CLIC5: variants seen among roughly 807,000 people sequenced by gnomAD.
CLIC5 encodes chloride intracellular channel protein 5.
A neutral mutation model predicts 24.7 loss-of-function variants in CLIC5; 20 were observed. The observed-to-expected ratio is 0.81, with a 90% CI of 0.57 to 1.18. The LOEUF is 1.18. CLIC5 is among the 50% of genes most tolerant of loss of function. CLIC5 has a pLI of 0.00. For synonymous variants in CLIC5, 159 were observed against 135.6 expected (o/e 1.17, Z -1.20); for missense variants, 341 against 326.1 (o/e 1.05, Z -0.35).
In CLIC5 at chr6:45,902,895, C is replaced by G. The variant is rs1237366313; in HGVS notation, c.*193G>C. The G allele has an allele frequency of 1.5e-5, 9 of 604,396 alleles. No homozygotes were observed. Among genetic ancestry groups the G allele is most frequent in the Non-Finnish European group, 2.6e-5 (9 of 347,794 alleles). The allele number at this position is 604,396 out of a possible 1,614,324, so 37.4% of individuals were successfully genotyped here. ...TGTGTCTATCATTTCTGCTAGATTC[C>G]TATGTGAGGAGGCCAGGGATGGTGC... On this transcript the variant is annotated 3_prime_UTR_variant, in exon 6 of 6. Transcript: ENST00000339561.
chr6:45,968,939 C>A (rs140914538), intron 1 of CLIC5, among the ~76,000 whole-genome samples: 1 of 152,078 alleles, frequency 6.6e-6, no homozygotes, highest in Non-Finnish European at 1.5e-5. Context: ...AGTTGTGTGA[C>A]CTAGGGCAAG....
At chr6:46,101,123 T>G in the CLIC5 span, among the ~76,000 whole-genome samples, 1 of 152,210 alleles carries the variant, frequency 6.6e-6, no homozygotes, top group East Asian at 1.9e-4. Flanking sequence ...GCCAACCCAC[T>G]AAGTCAACAA....
chr6:45,968,425 G>A (rs1346273111), intron 1 of CLIC5, among the ~76,000 whole-genome samples: 2 of 152,088 alleles, frequency 1.3e-5, no homozygotes. Flanking sequence ...TGGGAAAGAA[G>A]GAAGAAGGGC....
In CLIC5 at chr6:45,941,590, C is replaced by CATGATGTAGGCATCGACATCCTTGTCG. The variant is rs1764132588; in HGVS notation, c.362_363insCGACAAGGATGTCGATGCCTACATCAT (p.Lys121delinsAsnAspLysAspValAspAlaTyrIleMet). The CATGATGTAGGCATCGACATCCTTGTCG allele has an allele frequency of 6.2e-7, 1 of 1,613,816 alleles. No homozygotes were observed. The highest frequency in any genetic ancestry group is 1.3e-5 in the African/African-American group (1 of 74,896). Reference sequence around the variant, plus strand: ...TGGTATTTTTGATGTAGGCAGAAAACTTGGAAAAGATGTCGATGCCCGCTG... The same window carrying CATGATGTAGGCATCGACATCCTTGTCG: ...TGGTATTTTTGATGTAGGCAGAAAACATGATGTAGGCATCGACATCCTTGTCGTTGGAAAAGATGTCGATGCCCGCTG... On this transcript the variant is annotated protein_altering_variant, in exon 4 of 6. Transcript: ENST00000339561.
At chr6:45,887,310 G>A (rs1311992924) in intron 6 of CLIC5, among the ~76,000 whole-genome samples, 1 of 152,122 alleles carries the variant, frequency 6.6e-6, no homozygotes, top group Non-Finnish European at 1.5e-5. Context: ...GTGCCTCTAG[G>A]GGAGAATCCT....
intron 1 of CLIC5, among the ~76,000 whole-genome samples, chr6:45,987,931 C>T (rs1765798987): frequency 6.6e-6 from 1 of 152,222 alleles, no homozygotes; most frequent in Non-Finnish European, 1.5e-5. Flanking sequence ...CATTCTGTCC[C>T]TGGCCCCCCA....
upstream of CLIC5, among the ~76,000 whole-genome samples, chr6:46,020,037 A>G (rs1767132801): frequency 6.6e-6 from 1 of 152,092 alleles, no homozygotes; most frequent in Non-Finnish European, 1.5e-5. Flanking sequence ...CCATAAGAAT[A>G]TAGAATATAG....
intron 1 of CLIC5, among the ~76,000 whole-genome samples, chr6:46,037,968 G>A (rs965006174): frequency 6.6e-6 from 1 of 152,152 alleles, no homozygotes; most frequent in Non-Finnish European, 1.5e-5. Context: ...AAGCCTCAGG[G>A]AAAGAGGATG....
chr6:45,997,908 C>A (rs1310832106), intron 1 of CLIC5, among the ~76,000 whole-genome samples: 2 of 152,214 alleles, frequency 1.3e-5, no homozygotes, highest in Non-Finnish European at 1.5e-5. Context: ...AAGCCCAGGA[C>A]CCAGCAGGCC....
At chr6:46,106,954 T>C in the CLIC5 span, among the ~76,000 whole-genome samples, 10 of 152,370 alleles carry the variant, frequency 6.6e-5, no homozygotes, top group East Asian at 1.9e-3. Flanking sequence ...AAGTCAAAGC[T>C]ATAAAGTCTT....
intron 1 of CLIC5, among the ~76,000 whole-genome samples, chr6:45,997,768 G>T (rs1022931903): frequency 6.6e-5 from 10 of 152,308 alleles, no homozygotes; most frequent in Admixed American, 4.6e-4. Flanking sequence ...TATGGAAAAA[G>T]GCCTGGAACA....
the CLIC5 span, among the ~76,000 whole-genome samples, chr6:46,095,511 T>C: frequency 6.6e-6 from 1 of 152,204 alleles, no homozygotes; most frequent in Non-Finnish European, 1.5e-5. Context: ...TTCTGCCAGA[T>C]ACCCTAAATC....
Position 46,015,680 on chromosome 6 carries a change from A to T in CLIC5, c.-138T>A. The T allele has an allele frequency of 1.5e-6, 2 of 1,296,646 alleles. No individual in the cohort carries two copies. Among genetic ancestry groups the T allele is most frequent in the East Asian group, 6.3e-5 (2 of 31,962 alleles). 80.3% of individuals were successfully genotyped at this position (1,296,646 alleles called of 1,614,324 possible). A position where few individuals can be genotyped will look rare whatever the true frequency, so the allele number is the denominator to read the frequency against. ...TGTTTAATTTTTCACAAAACCATCT[A>T]TTCTCCAGCCCGAGCAGCGGGGTCT... is the stretch of plus-strand genomic sequence containing the variant. On this transcript the variant is annotated 5_prime_UTR_variant, in exon 1 of 6. Transcript: ENST00000339561.
At position 45,919,443 on chromosome 6, in the gene CLIC5, A is replaced by G. The variant is rs532372747; in HGVS notation, c.407-5034T>C. On this transcript the variant is annotated intron_variant, in intron 4 of 5. Transcript: ENST00000339561. ...CCACAATCTGGAAGGATACCCAAGCAAAGCACCACACGGAGCTCTTAACAT... is the reference window on the plus strand; with the variant it reads ...CCACAATCTGGAAGGATACCCAAGCGAAGCACCACACGGAGCTCTTAACAT... Among the ~76,000 whole-genome samples, 10 of 152,298 alleles carry G rather than the reference A, an allele frequency of 6.6e-5. No homozygotes were observed. The East Asian group carries it at 1.9e-3, about 29-fold the overall frequency.
chr6:46,085,539 C>T, the CLIC5 span, among the ~76,000 whole-genome samples: 1 of 152,182 alleles, frequency 6.6e-6, no homozygotes, highest in African/African-American at 2.4e-5. Flanking sequence ...TAGAGGTCCA[C>T]TCCAGACCCT....
rs540726706 is a variant in CLIC5, at chr6:45,962,933, T to C, written c.64-7689A>G. 5.9e-5 allele frequency among the ~76,000 whole-genome samples: 9 copies of C among 152,324 alleles called. No homozygotes were observed. The South Asian group carries it at 1.5e-3, about 25-fold the overall frequency. ...CTTGAGCTTTACGTCCATCTGCCACTGAGTGTATGTTCACCCTCCTGTGCT... is the reference window on the plus strand; with the variant it reads ...CTTGAGCTTTACGTCCATCTGCCACCGAGTGTATGTTCACCCTCCTGTGCT... On this transcript the variant is annotated intron_variant, in intron 1 of 5. Transcript: ENST00000339561.
At chr6:46,121,613 T>C in the CLIC5 span, among the ~76,000 whole-genome samples, 3 of 152,106 alleles carry the variant, frequency 2.0e-5, no homozygotes, top group Non-Finnish European at 4.4e-5. Context: ...GAATAAATGC[T>C]CCAATTAAAA....
At chr6:45,971,677 A>G (rs531791419) in intron 1 of CLIC5, among the ~76,000 whole-genome samples, 1 of 152,316 alleles carries the variant, frequency 6.6e-6, no homozygotes, top group Non-Finnish European at 1.5e-5. Flanking sequence ...TCATCTGCCA[A>G]TTATTGAAGG....
intron 4 of CLIC5, among the ~76,000 whole-genome samples, chr6:45,919,292 T>G (rs1205198919): frequency 6.6e-6 from 1 of 152,048 alleles, no homozygotes; most frequent in Non-Finnish European, 1.5e-5. Flanking sequence ...GAGATGGGGT[T>G]TCTGGAATCT....
Sources: gnomAD v4.1 joint callset for allele counts (sites outside exome capture counted in the v4.1 genomes callset) on GRCh38, gnomAD v4.1.1 for gene constraint, MANE v1.5 for transcripts, NCBI Gene and HGNC (gene_info 2026-07-23, HGNC 2026-07-21) for gene names.